The following SOX6 variants were observed in gnomAD, a reference collection of about 807,000 sequenced individuals.
SOX6 encodes the protein SRY-box transcription factor 6.
A neutral mutation model predicts 97.8 loss-of-function variants in SOX6; 11 were observed. The ratio of observed to expected loss-of-function variants is 0.11; its 90% CI spans 0.07 to 0.19. The LOEUF (loss-of-function observed/expected upper bound fraction) is 0.19, where lower values mean the gene tolerates loss of function less well. Among genes scored for constraint, SOX6 ranks in the 10% least tolerant of loss-of-function variants. The pLI is 1.00. For synonymous variants in SOX6, 360 were observed against 371.4 expected, an observed-to-expected ratio of 0.97 and a Z score of 0.35; for missense variants, 810 against 1,039.5, an observed-to-expected ratio of 0.78 and a Z score of 3.04.
At chr11:16,479,487 G>C (rs995172031), upstream of SOX6, among the ~76,000 whole-genome samples, 3 of 150,052 alleles carry the variant, frequency 2.0e-5, no homozygotes, top group African/African-American at 7.4e-5. Flanking sequence ...CCAAGATTGC[G>C]TTACTGCACT....
chr11:16,451,417 G>A (rs1279756245), intron 1 of SOX6, among the ~76,000 whole-genome samples: 8 of 152,150 alleles, frequency 5.3e-5, no homozygotes, highest in Admixed American at 5.2e-4. Context: ...AGCAACTGAA[G>A]ATTGGATGTC....
rs1301385467 is a variant in SOX6, at chr11:15,969,037, CCTT to C, written c.*3769_*3771del. ...TCCCTTCCTACTTTTTTCCTTTCTT[CCTT>C]CTTTTCTCCTTTTCCTTCCATTCCA... On this transcript the variant is annotated 3_prime_UTR_variant, in exon 16 of 16. Coordinates refer to ENST00000683767, the MANE Select transcript of SOX6 (RefSeq NM_001367873.1). 4 of 150,444 alleles carry C rather than the reference CCTT, an allele frequency of 2.7e-5. No homozygotes were observed. The East Asian group carries it at 7.8e-4, about 29-fold the overall frequency. 9.3% of individuals were successfully genotyped at this position (150,444 alleles called of 1,614,324 possible).
intron 4 of SOX6, chr11:16,484,543 G>A (rs10832616): frequency 0.2 from 153,425 of 775,258 alleles, 17,048 homozygotes; most frequent in Admixed American, 0.34. Flanking sequence ...GGGCACAGTC[G>A]AGATGGCAGT....
At chr11:16,656,806 GA>G (rs1270728302) in intron 3 of SOX6, among the ~76,000 whole-genome samples, 6 of 152,070 alleles carry the variant, frequency 3.9e-5, no homozygotes, top group African/African-American at 7.2e-5. Context: ...TAAATTAGTA[GA>G]TTTTTTTAAA....
chr11:16,239,939 T>TC (rs1489905182), intron 3 of SOX6, among the ~76,000 whole-genome samples: 10 of 152,012 alleles, frequency 6.6e-5, no homozygotes, highest in Admixed American at 6.6e-4. Flanking sequence ...CAGGCTCACT[T>TC]CCCCAAACAG....
At chr11:16,349,422 GC>G (rs1308430239) in intron 1 of SOX6, among the ~76,000 whole-genome samples, 1 of 75,604 alleles carries the variant, frequency 1.3e-5, no homozygotes, top group Non-Finnish European at 2.5e-5. Context: ...TTTGAGACCA[GC>G]CTGGCCAACA....
chr11:16,489,718 C>G (rs1860481613), intron 4 of SOX6, among the ~76,000 whole-genome samples: 1 of 152,098 alleles, frequency 6.6e-6, no homozygotes, highest in Admixed American at 6.6e-5. Context: ...GTATACTTAA[C>G]ATAGCTAACC....
chr11:16,522,857 A>G (rs1011918969), intron 4 of SOX6, among the ~76,000 whole-genome samples: 1 of 152,212 alleles, frequency 6.6e-6, no homozygotes, highest in African/African-American at 2.4e-5. Flanking sequence ...CAGACTTTAA[A>G]CCAACAAAGA....
rs1854377139 is a variant in SOX6 at position 16,000,652 on chromosome 11, A to T, written c.1733-11422T>A. ...CTAAAAACAAATCCCTATTTACTTC[A>T]ACTGTTGAAGCTATCTACATCAAGA... On this transcript the variant is annotated intron_variant, in intron 13 of 15. Coordinates refer to ENST00000683767, the MANE Select transcript of SOX6 (RefSeq NM_001367873.1). 2.0e-5 allele frequency among the ~76,000 whole-genome samples: 3 copies of T among 152,154 alleles called. No individual in the cohort carries two copies. In the South Asian group the frequency reaches 6.2e-4, roughly 31 times the overall value.
intron 4 of SOX6, among the ~76,000 whole-genome samples, chr11:16,508,442 A>G (rs1860824218): frequency 6.6e-6 from 1 of 152,152 alleles, no homozygotes; most frequent in Non-Finnish European, 1.5e-5. Context: ...GCAAAGTCAT[A>G]AAATCAACCT....
intron 3 of SOX6, among the ~76,000 whole-genome samples, chr11:16,684,905 G>A (rs966285488): frequency 7.9e-5 from 12 of 152,104 alleles, no homozygotes; most frequent in Non-Finnish European, 1.2e-4. Context: ...GAGGCCCCAC[G>A]AGCTTTTACT....
chr11:16,174,782 C>T (rs748838216), intron 6 of SOX6, among the ~76,000 whole-genome samples: 4 of 151,976 alleles, frequency 2.6e-5, no homozygotes, highest in Admixed American at 2.0e-4. Flanking sequence ...AGCTAAAACA[C>T]ATAATTTCAA....
chr11:16,177,892 C>T (rs942689602), intron 6 of SOX6, among the ~76,000 whole-genome samples: 4 of 151,912 alleles, frequency 2.6e-5, no homozygotes, highest in African/African-American at 7.2e-5. Flanking sequence ...CGGAAAGAAG[C>T]AGAGACTGGT....
chr11:16,677,841 T>C (rs1246699108), intron 3 of SOX6, among the ~76,000 whole-genome samples: 4 of 152,200 alleles, frequency 2.6e-5, no homozygotes, highest in Non-Finnish European at 5.9e-5. Flanking sequence ...GGAATTTTCT[T>C]TGAGAAGATT....
chr11:16,077,204 G>T (rs996199405), intron 9 of SOX6, among the ~76,000 whole-genome samples: 2 of 152,078 alleles, frequency 1.3e-5, no homozygotes, highest in African/African-American at 4.8e-5. Flanking sequence ...AGATTTGGGT[G>T]GGGAAACAAA....
At chr11:16,198,220 ATTTTTTTTTCTTTTT>A (rs1284623739) in intron 4 of SOX6, among the ~76,000 whole-genome samples, 1 of 99,996 alleles carries the variant, frequency 1.0e-5, no homozygotes, top group African/African-American at 4.6e-5. Context: ...CGCCCTGCTA[ATTTTTTTTTCTTTTT>A]TTTTTTTTTT....
chr11:16,400,773 C>T (rs532419414), intron 1 of SOX6, among the ~76,000 whole-genome samples: 9 of 151,520 alleles, frequency 5.9e-5, no homozygotes, highest in Non-Finnish European at 1.0e-4. Context: ...TCTTTCTTCT[C>T]ATACATACGT....
intron 1 of SOX6, among the ~76,000 whole-genome samples, chr11:16,419,195 A>G (rs1858982384): frequency 6.6e-6 from 1 of 152,212 alleles, no homozygotes; most frequent in East Asian, 1.9e-4. Context: ...GATCTCCTGT[A>G]TAAAATATGA....
At chr11:16,201,034 T>C (rs1851920697) in intron 4 of SOX6, among the ~76,000 whole-genome samples, 1 of 151,894 alleles carries the variant, frequency 6.6e-6, no homozygotes, top group Non-Finnish European at 1.5e-5. Context: ...GGAGAATTGC[T>C]TGAACCCAGG....
Sources: gnomAD v4.1 joint callset for allele counts (sites outside exome capture counted in the v4.1 genomes callset) on GRCh38, gnomAD v4.1.1 for gene constraint, MANE v1.5 for transcripts, NCBI Gene and HGNC (gene_info 2026-07-23, HGNC 2026-07-21) for gene names.